Variants in STK32B observed in about 807,000 individuals in gnomAD.
STK32B encodes the protein serine/threonine kinase 32B.
STK32B carries 43 observed loss-of-function variants against 52.6 expected under a neutral mutation model. The observed-to-expected ratio is 0.82, with a 90% CI of 0.64 to 1.05. The LOEUF (loss-of-function observed/expected upper bound fraction) is 1.05. Ranked by LOEUF, STK32B falls within the 50% of genes least tolerant of loss-of-function variation. STK32B has a pLI of 0.00. For synonymous variants in STK32B, 238 were observed against 204.3 expected (o/e 1.17, Z -1.41); for missense variants, 621 against 534.6 (o/e 1.16, Z -1.59).
intron 4 of STK32B, among the ~76,000 whole-genome samples, chr4:5,337,143 CA>C (rs199824052): frequency 0.072 from 3,771 of 52,158 alleles, 153 homozygotes; most frequent in African/African-American, 0.15. Context: ...CATCCCTGGC[CA>C]ATTTTTTTTT....
intron 3 of STK32B, among the ~76,000 whole-genome samples, chr4:5,248,915 G>A (rs1725668745): frequency 6.6e-6 from 1 of 150,708 alleles, no homozygotes; most frequent in South Asian, 2.1e-4. Flanking sequence ...TCACACACTG[G>A]GGACTGTTGT....
chr4:5,118,110 G>A (rs975262563), intron 1 of STK32B, among the ~76,000 whole-genome samples: 1 of 152,122 alleles, frequency 6.6e-6, no homozygotes, highest in Non-Finnish European at 1.5e-5. Context: ...AATTTTTTGG[G>A]AACAGTTAGA....
At chr4:5,316,163 C>A (rs183605415) in intron 3 of STK32B, among the ~76,000 whole-genome samples, 925 of 79,822 alleles carry the variant, frequency 0.012, 69 homozygotes, top group African/African-American at 0.058. Flanking sequence ...ATATATATAA[C>A]TAAATATATA....
intron 6 of STK32B, among the ~76,000 whole-genome samples, chr4:5,418,635 C>T (rs898720928): frequency 3.9e-5 from 6 of 152,166 alleles, no homozygotes; most frequent in South Asian, 2.1e-4. Context: ...CAACTTTTGC[C>T]GCAGAAAACT....
At chr4:5,344,692 ATT>A (rs376899720) in intron 4 of STK32B, among the ~76,000 whole-genome samples, 2 of 147,898 alleles carry the variant, frequency 1.4e-5, no homozygotes, top group African/African-American at 4.9e-5. Context: ...CTTTGTCAGA[ATT>A]TTTTTTTTTT....
In STK32B at chr4:5,499,091, CTTG is replaced by C. The variant is rs745362011; in HGVS notation, c.*12_*14del. The C allele has an allele frequency of 2.5e-6, 4 of 1,606,104 alleles. No individual in the cohort carries two copies. The highest frequency in any genetic ancestry group is 3.4e-5 in the Admixed American group (2 of 59,472). The stretch of plus-strand genomic sequence containing the variant: ...CGTGGCTGCAGCAGCTGAGCCCACA[CTTG>C]TTGCTGCTCAACAGGACTGCACTCG... On this transcript the variant is annotated 3_prime_UTR_variant, in exon 12 of 12. Coordinates refer to ENST00000282908, the MANE Select transcript of STK32B (RefSeq NM_018401.3).
intron 11 of STK32B, 98 bp from the exon 12 acceptor site, chr4:5,498,847 G>C: frequency 6.9e-7 from 1 of 1,454,666 alleles, no homozygotes; most frequent in Non-Finnish European, 9.1e-7. Context: ...GGTTTGAGCT[G>C]AAGGCTCCAC....
At chr4:5,244,597 G>A (rs190351144) in intron 3 of STK32B, among the ~76,000 whole-genome samples, 1 of 152,108 alleles carries the variant, frequency 6.6e-6, no homozygotes, top group South Asian at 2.1e-4. Flanking sequence ...TCTGATCTTA[G>A]TTATTTCTTG....
chr4:5,101,993 C>T (rs570815138), intron 1 of STK32B, among the ~76,000 whole-genome samples: 108 of 152,284 alleles, frequency 7.1e-4, no homozygotes, highest in Non-Finnish European at 1.2e-3. Flanking sequence ...CCCTCAGGTT[C>T]GTGTCCTCTT....
rs902380694 is a variant in STK32B at position 5,400,482 on chromosome 4, T to C, written c.472+2238T>C. On this transcript the variant is annotated intron_variant, in intron 5 of 11. Coordinates refer to ENST00000282908, the MANE Select transcript of STK32B (RefSeq NM_018401.3). The surrounding 1 kb of genome is among the most constrained non-coding windows in gnomAD (Gnocchi z 6.1). ...ACTCCCCAAGTGCCCCTGCATCCAG[T>C]CTTCTCCCTCTCCAGCCTCCCATTT... Among the ~76,000 whole-genome samples, 1 of 152,072 alleles carries C rather than the reference T, an allele frequency of 6.6e-6. No homozygotes were observed. Among genetic ancestry groups the C allele is most frequent in the Non-Finnish European group, 1.5e-5 (1 of 68,006 alleles).
intron 3 of STK32B, among the ~76,000 whole-genome samples, chr4:5,240,562 C>T (rs780221465): frequency 1.3e-5 from 2 of 152,110 alleles, no homozygotes; most frequent in African/African-American, 4.8e-5. Context: ...CGGGTTCAAG[C>T]GATTTTTCTG....
chr4:5,438,417 G>A (rs1156340871), intron 6 of STK32B, among the ~76,000 whole-genome samples: 1 of 152,152 alleles, frequency 6.6e-6, no homozygotes, highest in South Asian at 2.1e-4. Context: ...TCACCGATAG[G>A]AAGAGGCAGA....
chr4:5,253,486 T>C (rs1036223906), intron 3 of STK32B, among the ~76,000 whole-genome samples: 1 of 152,152 alleles, frequency 6.6e-6, no homozygotes, highest in Non-Finnish European at 1.5e-5. Context: ...GCGATTCTCC[T>C]GCCTCAGCCT....
At chr4:5,131,072 A>G (rs1468335939) in intron 1 of STK32B, among the ~76,000 whole-genome samples, 2 of 152,148 alleles carry the variant, frequency 1.3e-5, no homozygotes, top group Non-Finnish European at 2.9e-5. Context: ...TGCCTCTGCT[A>G]GGCAGAGGAT....
intron 7 of STK32B, among the ~76,000 whole-genome samples, chr4:5,449,820 A>G (rs1021206372): frequency 6.6e-6 from 1 of 152,146 alleles, no homozygotes; most frequent in African/African-American, 2.4e-5. Flanking sequence ...ATGAGAATCT[A>G]ATGCCTGATG....
At chr4:5,083,805 C>T (rs537163960) in intron 1 of STK32B, among the ~76,000 whole-genome samples, 7 of 151,366 alleles carry the variant, frequency 4.6e-5, no homozygotes, top group Non-Finnish European at 7.4e-5. Context: ...GGCACAATCT[C>T]GGCTCACTGC....
In STK32B at chr4:5,400,016, T is replaced by C. The variant is rs1176152296; in HGVS notation, c.472+1772T>C. Among the ~76,000 whole-genome samples the C allele has an allele frequency of 6.6e-6, 1 of 152,136 alleles. No homozygotes were observed. Among genetic ancestry groups the C allele is most frequent in the East Asian group, 1.9e-4 (1 of 5,192 alleles). ...GCTCTGTCCTATTAAGAGAGACCGCTAGGGGGAGACTTCCTGGCCCTGCAA... is the reference window on the plus strand; with the variant it reads ...GCTCTGTCCTATTAAGAGAGACCGCCAGGGGGAGACTTCCTGGCCCTGCAA... On this transcript the variant is annotated intron_variant, in intron 5 of 11. Transcript: ENST00000282908. This position sits in a 1 kb window ranked among gnomAD's most constrained non-coding sequence, Gnocchi z 6.1.
At chr4:5,062,608 A>G (rs902532145) in intron 1 of STK32B, among the ~76,000 whole-genome samples, 2 of 152,060 alleles carry the variant, frequency 1.3e-5, no homozygotes, top group African/African-American at 4.8e-5. Flanking sequence ...TCCCAGGTTC[A>G]CGCCATTCTC....
At position 5,396,276 on chromosome 4, in the gene STK32B, G is replaced by A. The variant is rs1381551399; in HGVS notation, c.435-1931G>A. On this transcript the variant is annotated intron_variant, in intron 4 of 11. Coordinates refer to ENST00000282908, the MANE Select transcript of STK32B (RefSeq NM_018401.3). The surrounding 1 kb of genome is among the most constrained non-coding windows in gnomAD (Gnocchi z 4.7). Reference sequence around the variant, plus strand: ...CTCCAGGCGTTTCTGGTTCATGGCTGCATCACTCCAGTATCTGCTTCCATC... The same window carrying A: ...CTCCAGGCGTTTCTGGTTCATGGCTACATCACTCCAGTATCTGCTTCCATC... Among the ~76,000 whole-genome samples the A allele has an allele frequency of 6.6e-6, 1 of 152,156 alleles. No individual in the cohort carries two copies. The highest frequency in any genetic ancestry group is 1.9e-4 in the East Asian group (1 of 5,190).
Sources: gnomAD v4.1 joint callset for allele counts (sites outside exome capture counted in the v4.1 genomes callset) on GRCh38, gnomAD v4.1.1 for gene constraint, Gnocchi (gnomAD v3.1) non-coding constraint, MANE v1.5 for transcripts, NCBI Gene and HGNC (gene_info 2026-07-23, HGNC 2026-07-21) for gene names.